SPATS2L: variants seen among roughly 807,000 people sequenced by gnomAD.
SPATS2L encodes spermatogenesis associated serine rich 2 like.
A neutral mutation model predicts 59.6 loss-of-function variants in SPATS2L; 30 were observed. The observed-to-expected ratio is 0.50, with a 90% CI of 0.38 to 0.68. The LOEUF is 0.68. Among genes scored for constraint, SPATS2L ranks in the 30% least tolerant of loss-of-function variants. The pLI is 0.00. For missense variants in SPATS2L, 615 were observed against 700.0 expected (o/e 0.88, Z 1.37); for synonymous variants, 252 against 263.5 (o/e 0.96, Z 0.42).
intron 1 of SPATS2L, among the ~76,000 whole-genome samples, chr2:200,307,430 G>C (rs981038736): frequency 1.3e-5 from 2 of 151,970 alleles, no homozygotes; most frequent in Non-Finnish European, 2.9e-5. Flanking sequence ...TGCGGGGGCC[G>C]CGGCCCCACT....
Position 200,311,121 on chromosome 2 carries a change from T to A in SPATS2L, c.-73+4199T>A, listed in dbSNP as rs139043446. Among the ~76,000 whole-genome samples, 257 of 152,352 alleles carry A rather than the reference T, an allele frequency of 1.7e-3. 1 individual carries two copies. The highest frequency in any genetic ancestry group is 5.6e-3 in the African/African-American group (234 of 41,588). Reference sequence around the variant, plus strand: ...GATGATTTTTTTTAAATCATGGGCTTTGATACTGACTCTGAACTGCTCACC... The same window carrying A: ...GATGATTTTTTTTAAATCATGGGCTATGATACTGACTCTGAACTGCTCACC... On this transcript the variant is annotated intron_variant, in intron 1 of 12. Transcript: ENST00000409140.
chr2:200,473,230 C>T (rs757586929), intron 12 of SPATS2L, among the ~76,000 whole-genome samples, 178 bp downstream of exon 12: 3 of 152,212 alleles, frequency 2.0e-5, no homozygotes, highest in Non-Finnish European at 2.9e-5. Flanking sequence ...GGGAACTCCC[C>T]TGGTCGCTCT....
At chr2:200,464,638 TTTA>T (rs1044916155) in intron 9 of SPATS2L, among the ~76,000 whole-genome samples, 4 of 152,006 alleles carry the variant, frequency 2.6e-5, no homozygotes, top group East Asian at 3.9e-4. Context: ...TCAGACTTTT[TTTA>T]TTATTATTAT....
intron 6 of SPATS2L, among the ~76,000 whole-genome samples, chr2:200,438,902 G>A (rs2084489151): frequency 6.6e-6 from 1 of 152,170 alleles, no homozygotes; most frequent in African/African-American, 2.4e-5. Context: ...AATTACCAGA[G>A]CCAAAACATG....
At chr2:200,306,123 C>G, upstream of SPATS2L, 1 of 988,342 alleles carries the variant, frequency 1.0e-6, no homozygotes, top group Non-Finnish European at 1.2e-6. Flanking sequence ...CAAGGGCTGA[C>G]CCGAGCTCCA....
intron 8 of SPATS2L, among the ~76,000 whole-genome samples, chr2:200,450,099 T>G (rs1395577114): frequency 6.6e-6 from 1 of 152,232 alleles, no homozygotes; most frequent in Admixed American, 6.5e-5. Context: ...TCTCTACATA[T>G]TCTAGCTCTG....
intron 5 of SPATS2L, among the ~76,000 whole-genome samples, chr2:200,418,698 C>G (rs1316641337): frequency 2.0e-5 from 3 of 152,128 alleles, no homozygotes; most frequent in African/African-American, 7.2e-5. Flanking sequence ...TCCTTGTTGA[C>G]TGGTTTCTAT....
Position 200,416,807 on chromosome 2 carries a change from A to G in SPATS2L, c.198+379A>G, listed in dbSNP as rs562691149. Among the ~76,000 whole-genome samples the G allele has an allele frequency of 2.6e-5, 4 of 152,292 alleles. No individual in the cohort carries two copies. The South Asian group carries it at 8.3e-4, about 32-fold the overall frequency. ...TAAAGATACTTGAAAACTTCTAAAT[A>G]TATTTTCACATGTTTTTCCACCTGA... On this transcript the variant is annotated intron_variant, in intron 5 of 12. Transcript: ENST00000409140.
In SPATS2L at chr2:200,481,894, ATGGTTTTGATCTCC is replaced by A. The variant is rs2087786601; in HGVS notation, c.*3866_*3879del. On this transcript the variant is annotated 3_prime_UTR_variant, in exon 13 of 13. Coordinates refer to ENST00000409140, the MANE Select transcript of SPATS2L (RefSeq NM_001100423.2). ...ACAGGGTTTCACCGTGTTAGCCAGGATGGTTTTGATCTCCTGACCTCGTGATCCACCCCCCTCGG... is the reference window on the plus strand; with the variant it reads ...ACAGGGTTTCACCGTGTTAGCCAGGATGACCTCGTGATCCACCCCCCTCGG... The A allele has an allele frequency of 6.6e-6, 1 of 152,170 alleles. No homozygotes were observed. Among genetic ancestry groups the A allele is most frequent in the Admixed American group, 6.5e-5 (1 of 15,274 alleles). 9.4% of individuals were successfully genotyped at this position (152,170 alleles called of 1,614,324 possible).
At chr2:200,319,130 C>G (rs897038455) in intron 1 of SPATS2L, among the ~76,000 whole-genome samples, 2 of 152,208 alleles carry the variant, frequency 1.3e-5, no homozygotes, top group African/African-American at 4.8e-5. Flanking sequence ...GGTCGCTCTT[C>G]AAATATTTGA....
intron 12 of SPATS2L, among the ~76,000 whole-genome samples, chr2:200,476,154 C>A (rs916215737): frequency 6.6e-6 from 1 of 152,114 alleles, no homozygotes; most frequent in Non-Finnish European, 1.5e-5. Flanking sequence ...TCCATTGCGT[C>A]CTTACTGCTC....
intron 3 of SPATS2L, among the ~76,000 whole-genome samples, chr2:200,397,925 G>A (rs1004271666): frequency 1.3e-5 from 2 of 152,180 alleles, no homozygotes; most frequent in Non-Finnish European, 2.9e-5. Flanking sequence ...AAGAGGGTAG[G>A]CAGCCAGAGC....
At chr2:200,351,777 G>T (rs1559059902) in intron 2 of SPATS2L, among the ~76,000 whole-genome samples, 2 of 152,094 alleles carry the variant, frequency 1.3e-5, no homozygotes, top group Non-Finnish European at 2.9e-5. Flanking sequence ...GTAGTCTTTG[G>T]TATAAGGTTT....
intron 1 of SPATS2L, among the ~76,000 whole-genome samples, chr2:200,317,911 C>G (rs1292209404): frequency 1.3e-5 from 2 of 152,146 alleles, no homozygotes; most frequent in East Asian, 3.9e-4. Flanking sequence ...TTTGTTGGAG[C>G]AGTTTTTTCC....
At chr2:200,448,136 A>G (rs575527532) in intron 8 of SPATS2L, among the ~76,000 whole-genome samples, 1 of 152,158 alleles carries the variant, frequency 6.6e-6, no homozygotes, top group East Asian at 1.9e-4. Context: ...ACAGAGAAAG[A>G]CCCTGTCTCA....
intron 2 of SPATS2L, chr2:200,372,228 A>G (rs556414572): frequency 2.0e-6 from 2 of 981,498 alleles, no homozygotes; most frequent in African/African-American, 3.5e-5. Flanking sequence ...GTTATAAGGC[A>G]GAGGTCCCCC....
intron 2 of SPATS2L, among the ~76,000 whole-genome samples, chr2:200,369,236 G>C (rs933246982): frequency 6.6e-6 from 1 of 152,150 alleles, no homozygotes; most frequent in African/African-American, 2.4e-5. Context: ...TCAGCCCACT[G>C]CAGCCTCTGC....
At chr2:200,441,853 C>T (rs1230448388) in intron 8 of SPATS2L, among the ~76,000 whole-genome samples, 1 of 152,176 alleles carries the variant, frequency 6.6e-6, no homozygotes, top group Non-Finnish European at 1.5e-5. Context: ...ACTTCTTCTG[C>T]ATGCTTTTCC....
chr2:200,465,968 C>T lies in SPATS2L; in HGVS notation c.848-1322C>T, dbSNP rs141056454. On this transcript the variant is annotated intron_variant, in intron 9 of 12. Transcript: ENST00000409140. The stretch of plus-strand genomic sequence containing the variant: ...AATGGTGTGAACCCGGGAGGCGGAG[C>T]TTGCAGTGAGCCGAGATCATGCCAC... Among the ~76,000 whole-genome samples, 123 of 152,270 alleles carry T rather than the reference C, an allele frequency of 8.1e-4. 4 individuals carry two copies. The East Asian group carries it at 0.021, about 26-fold the overall frequency.
Sources: gnomAD v4.1 joint callset for allele counts (sites outside exome capture counted in the v4.1 genomes callset) on GRCh38, gnomAD v4.1.1 for gene constraint, MANE v1.5 for transcripts, NCBI Gene and HGNC (gene_info 2026-07-23, HGNC 2026-07-21) for gene names.